Variants in MAPKBP1 observed in about 807,000 individuals in gnomAD.
The protein encoded by MAPKBP1 is mitogen-activated protein kinase binding protein 1, also known as mitogen-activated protein kinase-binding protein 1.
Under a neutral mutation model 170.5 loss-of-function variants are expected in MAPKBP1, and 71 were observed. That is an observed-to-expected ratio of 0.42 (90% CI 0.34 to 0.51). The LOEUF is 0.51. Among genes scored for constraint, MAPKBP1 ranks in the 20% least tolerant of loss-of-function variants. The pLI is 0.06. For synonymous variants in MAPKBP1, 719 were observed against 757.9 expected (o/e 0.95, Z 0.84); for missense variants, 1,598 against 1,933.0 (o/e 0.83, Z 3.25).
At chr15:41,794,897 G>A (rs1188669508) in intron 2 of MAPKBP1, among the ~76,000 whole-genome samples, 1 of 152,130 alleles carries the variant, frequency 6.6e-6, no homozygotes, top group East Asian at 1.9e-4. Flanking sequence ...GGGCGTGATG[G>A]CTCATGCCTG....
intron 20 of MAPKBP1, 101 bp from the exon 21 acceptor site, chr15:41,819,125 CTCTCCCCCTATTGAGTCTCA>C (rs2064942496): frequency 2.8e-6 from 4 of 1,440,436 alleles, no homozygotes; most frequent in Non-Finnish European, 3.8e-6. Context: ...GTTGAGTCTC[CTCTCCCCCTATTGAGTCTCA>C]TCTTCCCCTC....
chr15:41,782,131 G>A (rs887686065), intron 2 of MAPKBP1, among the ~76,000 whole-genome samples: 5 of 150,890 alleles, frequency 3.3e-5, no homozygotes, highest in Admixed American at 2.0e-4. Context: ...GCGTGGTGGC[G>A]GGCGCCTGTA....
Position 41,827,811 on chromosome 15 carries a change from T to G in MAPKBP1, c.*2375T>G. ...GGGGCGCTGTTTTTAACGTGCCCGT[T>G]TGTACTGATGTATGAACTTGTCAAT... On this transcript the variant is annotated 3_prime_UTR_variant, in exon 31 of 31. Transcript: ENST00000457542. 6.5e-6 allele frequency: 2 copies of G among 307,628 alleles called. No homozygotes were observed. The highest frequency in any genetic ancestry group is 1.2e-5 in the Non-Finnish European group (2 of 167,142). 19.1% of individuals were successfully genotyped at this position (307,628 alleles called of 1,614,324 possible). A position where few individuals can be genotyped will look rare whatever the true frequency, so the allele number is the denominator to read the frequency against.
chr15:41,778,607 T>C (rs2064134033), intron 2 of MAPKBP1, among the ~76,000 whole-genome samples: 1 of 152,250 alleles, frequency 6.6e-6, no homozygotes, highest in Non-Finnish European at 1.5e-5. Context: ...CTTGGTGAAG[T>C]GTGACTTGAA....
chr15:41,777,340 CAAAA>C (rs55744466), intron 2 of MAPKBP1, among the ~76,000 whole-genome samples: 1 of 85,232 alleles, frequency 1.2e-5, no homozygotes. Context: ...GACTCCGTCT[CAAAA>C]AAAAAAAAAA....
chr15:41,817,661 G>T lies in MAPKBP1; in HGVS notation c.1830G>T (p.Lys610Asn). ...QFTRTHHVVR[K>N]TTLYDMDVEP... is the part of the protein sequence containing the mutation. ...CACGGACACACCACGTGGTGCGGAAGACGACCCTCTATGACATGGATGTGG... is the reference window on the plus strand; with the variant it reads ...CACGGACACACCACGTGGTGCGGAATACGACCCTCTATGACATGGATGTGG... Residue 610 changes from lysine to asparagine, a missense_variant, in exon 16 of 31, where the codon AAG (lysine) becomes AAT (asparagine). Lys to Asn is a moderately conservative substitution (Grantham distance 94). Coordinates refer to ENST00000457542, the MANE Select transcript of MAPKBP1 (RefSeq NM_014994.3). This position sits in a 1 kb window ranked among gnomAD's most constrained non-coding sequence, Gnocchi z 4.2. The T allele has an allele frequency of 6.2e-7, 1 of 1,614,252 alleles. No individual in the cohort carries two copies.
chr15:41,785,389 G>A (rs2064266719), intron 2 of MAPKBP1, among the ~76,000 whole-genome samples: 1 of 152,072 alleles, frequency 6.6e-6, no homozygotes, highest in Admixed American at 6.5e-5. Flanking sequence ...ATGTATTTCA[G>A]GACTATGACT....
rs1357679506 is a variant in MAPKBP1, at chr15:41,823,753, C to T, written c.3905C>T (p.Pro1302Leu). Residue 1302 changes from proline (P) to leucine (L), a missense_variant, in exon 29 of 31, where the codon CCT becomes CTT. This residue lies in a region of MAPKBP1 where 942 missense variants were observed against 953.2 expected (regional missense o/e 0.99). Transcript: ENST00000457542. ...LDIPKPLPDR[P>L]TLAAFSPVTK... is the part of the protein sequence containing the mutation. ...ATCCCCAAACCACTGCCTGACCGTCCTACCCTGGCTGCATTCTCTCCTGTC... is the reference window on the plus strand; with the variant it reads ...ATCCCCAAACCACTGCCTGACCGTCTTACCCTGGCTGCATTCTCTCCTGTC... The T allele has an allele frequency of 1.9e-6, 3 of 1,614,192 alleles. No individual in the cohort carries two copies. Among genetic ancestry groups the T allele is most frequent in the South Asian group, 2.2e-5 (2 of 91,074 alleles).
intron 30 of MAPKBP1, 128 bp from the exon 31 acceptor site, chr15:41,825,081 A>G (rs745647758): frequency 4.5e-6 from 3 of 667,976 alleles, no homozygotes; most frequent in East Asian, 2.8e-5. Flanking sequence ...CTGGCCATAC[A>G]TGCTGATCTT....
chr15:41,824,620 G>C (rs1267700537), intron 30 of MAPKBP1, 51 bp downstream of exon 30: 1 of 1,498,854 alleles, frequency 6.7e-7, no homozygotes, highest in Admixed American at 1.9e-5. Flanking sequence ...AGTAGTGCTG[G>C]GTGTTTCGGA....
intron 2 of MAPKBP1, among the ~76,000 whole-genome samples, chr15:41,786,272 A>T (rs1345844670): frequency 1.3e-5 from 2 of 152,110 alleles, no homozygotes; most frequent in Non-Finnish European, 2.9e-5. Flanking sequence ...ATGGACTTTC[A>T]CTGTCTCCAT....
At chr15:41,816,867 T>G in intron 13 of MAPKBP1, 43 bp from the exon 14 acceptor site, 1 of 1,566,046 alleles carries the variant, frequency 6.4e-7, no homozygotes, top group Non-Finnish European at 8.7e-7. Context: ...AGATAAGGGC[T>G]GTTCAGGGCA....
chr15:41,802,049 G>A (rs1596078508), intron 3 of MAPKBP1, among the ~76,000 whole-genome samples: 2 of 152,264 alleles, frequency 1.3e-5, no homozygotes, highest in East Asian at 3.9e-4. Flanking sequence ...AGCCGGTTGC[G>A]CCTGGGCTAC....
At chr15:41,813,999 G>C (rs1447838822) in intron 9 of MAPKBP1, among the ~76,000 whole-genome samples, 1 of 152,222 alleles carries the variant, frequency 6.6e-6, no homozygotes, top group African/African-American at 2.4e-5. Context: ...GTGGGTGTTA[G>C]GAGGGACATA....
chr15:41,791,583 G>A (rs138757590), intron 2 of MAPKBP1, among the ~76,000 whole-genome samples: 50 of 152,306 alleles, frequency 3.3e-4, no homozygotes, highest in African/African-American at 1.2e-3. Context: ...GAAAAGCTTC[G>A]AAGGCCCTGC....
chr15:41,786,435 T>C lies in MAPKBP1; in HGVS notation c.114+11046T>C, dbSNP rs939404853. On this transcript the variant is annotated intron_variant, in intron 2 of 30. Transcript: ENST00000457542. The stretch of plus-strand genomic sequence containing the variant: ...AAAATTTAAAATCCGTATGCTCATT[T>C]TATTAAAGCAGTTATGCACAAATGC... 3.3e-5 allele frequency among the ~76,000 whole-genome samples: 5 copies of C among 152,148 alleles called. No individual in the cohort carries two copies. The South Asian group carries it at 1.0e-3, about 31-fold the overall frequency.
At chr15:41,811,688 A>G (rs1408697872) in intron 5 of MAPKBP1, 1 of 658,302 alleles carries the variant, frequency 1.5e-6, no homozygotes, top group South Asian at 1.5e-5. Context: ...CCGGCTGCCC[A>G]TCAGAACCAT....
intron 3 of MAPKBP1, among the ~76,000 whole-genome samples, chr15:41,806,248 A>T (rs2152076088): frequency 6.6e-6 from 1 of 152,342 alleles, no homozygotes; most frequent in Middle Eastern, 3.4e-3. Context: ...TAGAAGCGGT[A>T]GCAGTGACGG....
chr15:41,806,955 G>A (rs768007192), intron 3 of MAPKBP1, among the ~76,000 whole-genome samples: 2 of 152,232 alleles, frequency 1.3e-5, no homozygotes, highest in Non-Finnish European at 2.9e-5. Flanking sequence ...TCTCACTTCA[G>A]CATCTGCGTT....
Sources: allele counts gnomAD v4.1 joint callset (sites outside exome capture counted in the v4.1 genomes callset), GRCh38; gene constraint gnomAD v4.1.1; regional missense constraint gnomAD v4.1.1; non-coding constraint Gnocchi (gnomAD v3.1); transcripts MANE v1.5; gene names NCBI Gene and HGNC (gene_info 2026-07-23, HGNC 2026-07-21).